NEDD4L: variants seen among roughly 807,000 people sequenced by gnomAD.
The protein encoded by NEDD4L is E3 ubiquitin-protein ligase NEDD4-like.
Under a neutral mutation model 148.9 loss-of-function variants are expected in NEDD4L, and 54 were observed. That is an observed-to-expected ratio of 0.36 (90% CI 0.29 to 0.45). The LOEUF (loss-of-function observed/expected upper bound fraction) is 0.45, where lower values mean the gene tolerates loss of function less well. NEDD4L is among the 20% of genes least tolerant of loss of function. The pLI is 1.00. For missense variants in NEDD4L, 856 were observed against 1,233.8 expected (o/e 0.69, Z 4.59); for synonymous variants, 433 against 440.7 (o/e 0.98, Z 0.22).
At chr18:58,276,534 T>C (rs1379951608) in intron 5 of NEDD4L, among the ~76,000 whole-genome samples, 2 of 152,148 alleles carry the variant, frequency 1.3e-5, no homozygotes, top group Non-Finnish European at 2.9e-5. Context: ...TGACAAGTTC[T>C]ATGAAACCTG....
chr18:58,363,748 T>C (rs1308582703), intron 19 of NEDD4L, among the ~76,000 whole-genome samples: 1 of 152,214 alleles, frequency 6.6e-6, no homozygotes, highest in Admixed American at 6.5e-5. Context: ...AAATTGAGGA[T>C]TTTTTGAGAA....
chr18:58,081,781 T>A (rs900941915), intron 1 of NEDD4L, among the ~76,000 whole-genome samples: 1 of 152,102 alleles, frequency 6.6e-6, no homozygotes, highest in Admixed American at 6.5e-5. Flanking sequence ...AGAAAAAAAT[T>A]AAGAGTTGGC....
chr18:58,212,083 T>A (rs1415833984), intron 2 of NEDD4L, among the ~76,000 whole-genome samples: 2 of 152,330 alleles, frequency 1.3e-5, no homozygotes, highest in East Asian at 3.9e-4. Flanking sequence ...AAGCAAAATT[T>A]GATACGCACA....
chr18:58,246,571 T>C (rs1308011005), intron 3 of NEDD4L, among the ~76,000 whole-genome samples: 1 of 152,178 alleles, frequency 6.6e-6, no homozygotes, highest in Admixed American at 6.5e-5. Flanking sequence ...TTCAAGTGAT[T>C]CTCCTGCCTC....
At chr18:58,264,988 A>G (rs560761729) in intron 5 of NEDD4L, among the ~76,000 whole-genome samples, 8 of 152,244 alleles carry the variant, frequency 5.3e-5, no homozygotes, top group Admixed American at 1.3e-4. Flanking sequence ...CAGATGGGAC[A>G]GCTGAGGTGA....
intron 1 of NEDD4L, among the ~76,000 whole-genome samples, chr18:58,148,047 C>G (rs374442882): frequency 2.5e-4 from 38 of 152,182 alleles, no homozygotes; most frequent in African/African-American, 5.1e-4. Context: ...TCTCTCCCCC[C>G]CTTTTTTTTT....
At chr18:58,317,674 G>A (rs886240447) in intron 6 of NEDD4L, among the ~76,000 whole-genome samples, 1 of 152,174 alleles carries the variant, frequency 6.6e-6, no homozygotes, top group Admixed American at 6.5e-5. Context: ...TCAGTATAAA[G>A]AATAGTTTAG....
intron 2 of NEDD4L, among the ~76,000 whole-genome samples, chr18:58,232,579 G>A (rs1399531650): frequency 2.0e-5 from 3 of 152,198 alleles, no homozygotes; most frequent in Non-Finnish European, 4.4e-5. Context: ...TGTGTAACCG[G>A]AGAAAATACA....
At chr18:58,344,910 T>G (rs750918687) in intron 16 of NEDD4L, among the ~76,000 whole-genome samples, 2 of 152,184 alleles carry the variant, frequency 1.3e-5, no homozygotes, top group Non-Finnish European at 2.9e-5. Flanking sequence ...AAGCTATGAT[T>G]TTAGTAATTT....
intron 5 of NEDD4L, among the ~76,000 whole-genome samples, chr18:58,303,194 T>C (rs1457575953): frequency 6.6e-6 from 1 of 152,206 alleles, no homozygotes; most frequent in African/African-American, 2.4e-5. Context: ...AAGTCATGAG[T>C]AATGAATGGA....
Position 58,166,736 on chromosome 18 carries a change from A to C in NEDD4L, c.122+875A>C, listed in dbSNP as rs1349910700. ...CTTTGTGGCATGGTGGCCTGAAAAT[A>C]CTGTGAGGTTTAACAATGAAGGCAG... On this transcript the variant is annotated intron_variant, in intron 2 of 30. Transcript: ENST00000400345. Among the ~76,000 whole-genome samples, 5 of 152,140 alleles carry C rather than the reference A, an allele frequency of 3.3e-5. No homozygotes were observed. The South Asian group carries it at 6.2e-4, about 19-fold the overall frequency.
intron 1 of NEDD4L, chr18:58,091,663 G>A (rs987802327): frequency 2.0e-5 from 3 of 152,204 alleles, no homozygotes; most frequent in African/African-American, 7.2e-5. Context: ...TATAGATGAG[G>A]CATTTGATTC....
intron 2 of NEDD4L, among the ~76,000 whole-genome samples, chr18:58,202,775 A>T (rs1049858402): frequency 2.6e-5 from 4 of 151,400 alleles, no homozygotes; most frequent in African/African-American, 9.7e-5. Context: ...GATACTTCAT[A>T]CTCCTTTTGT....
intron 18 of NEDD4L, among the ~76,000 whole-genome samples, chr18:58,353,575 G>A (rs552307766): frequency 4.6e-5 from 7 of 152,332 alleles, no homozygotes; most frequent in South Asian, 4.1e-4. Context: ...AGCAGTACAC[G>A]TCAGTGAAAC....
intron 13 of NEDD4L, 188 bp downstream of exon 13, chr18:58,335,725 A>AT: frequency 3.9e-6 from 2 of 513,566 alleles, no homozygotes; most frequent in Non-Finnish European, 7.0e-6. Flanking sequence ...AAATAGAATG[A>AT]TTTTTTTAGT....
chr18:58,297,662 A>G (rs965683613), intron 5 of NEDD4L, among the ~76,000 whole-genome samples: 1 of 152,134 alleles, frequency 6.6e-6, no homozygotes, highest in African/African-American at 2.4e-5. Context: ...GTTGCCTTAC[A>G]TGAAAATGCC....
intron 18 of NEDD4L, among the ~76,000 whole-genome samples, chr18:58,353,480 T>C (rs962928433): frequency 6.6e-6 from 1 of 152,246 alleles, no homozygotes; most frequent in Non-Finnish European, 1.5e-5. Context: ...AAAGGATTTG[T>C]TTACGAGTGC....
chr18:58,367,390 G>T (rs937499162), intron 21 of NEDD4L, among the ~76,000 whole-genome samples: 1 of 152,136 alleles, frequency 6.6e-6, no homozygotes, highest in Non-Finnish European at 1.5e-5. Flanking sequence ...TCACAGAGAC[G>T]ACCTAAAGTA....
At chr18:58,112,640 C>T (rs1346638566) in intron 1 of NEDD4L, among the ~76,000 whole-genome samples, 1 of 152,066 alleles carries the variant, frequency 6.6e-6, no homozygotes, top group African/African-American at 2.4e-5. Flanking sequence ...AGGCATGTGC[C>T]ACCATGCCCA....
Sources: gnomAD v4.1 joint callset for allele counts (sites outside exome capture counted in the v4.1 genomes callset) on GRCh38, gnomAD v4.1.1 for gene constraint, MANE v1.5 for transcripts, NCBI Gene and HGNC (gene_info 2026-07-23, HGNC 2026-07-21) for gene names.